Variants in RAPGEF2 observed in about 807,000 individuals in gnomAD.
RAPGEF2 encodes PDZ domain containing guanine nucleotide exchange factor (GEF) 1.
RAPGEF2 carries 54 observed loss-of-function variants against 186.7 expected under a neutral mutation model. The ratio of observed to expected loss-of-function variants is 0.29; its 90% CI spans 0.23 to 0.36. The LOEUF is 0.36. Ranked by LOEUF, RAPGEF2 falls within the 10% of genes least tolerant of loss-of-function variation. RAPGEF2 has a pLI of 1.00. For missense variants in RAPGEF2, 1,532 were observed against 2,045.0 expected (o/e 0.75, Z 4.84); for synonymous variants, 712 against 705.9 (o/e 1.01, Z -0.14).
chr4:159,237,629 G>GA (rs1298879896), intron 4 of RAPGEF2, among the ~76,000 whole-genome samples: 1 of 151,540 alleles, frequency 6.6e-6, no homozygotes, highest in Non-Finnish European at 1.5e-5. Context: ...AATTAACTTG[G>GA]AAAAAAATTG....
At chr4:159,170,528 T>G (rs1262257007) in intron 1 of RAPGEF2, among the ~76,000 whole-genome samples, 1 of 152,176 alleles carries the variant, frequency 6.6e-6, no homozygotes, top group East Asian at 1.9e-4. Flanking sequence ...AGATAATATA[T>G]GGAAGGATGT....
At chr4:159,214,362 A>T (rs1750810411) in intron 4 of RAPGEF2, among the ~76,000 whole-genome samples, 2 of 152,348 alleles carry the variant, frequency 1.3e-5, no homozygotes, top group East Asian at 3.9e-4. Context: ...TTTCAAAGGC[A>T]TCATTTGCAA....
chr4:159,274,481 A>G (rs751023821), intron 7 of RAPGEF2, among the ~76,000 whole-genome samples: 2 of 152,250 alleles, frequency 1.3e-5, no homozygotes, highest in East Asian at 1.9e-4. Context: ...CCATGTGAGC[A>G]TGTATAAAAA....
intron 4 of RAPGEF2, among the ~76,000 whole-genome samples, chr4:159,215,604 A>G (rs149095222): frequency 0.013 from 2,020 of 152,352 alleles, 47 homozygotes; most frequent in African/African-American, 0.046. Flanking sequence ...CAATTTTATC[A>G]TAGAAGTCTC....
At chr4:159,209,178 C>A (rs1750265218) in intron 3 of RAPGEF2, among the ~76,000 whole-genome samples, 1 of 124,352 alleles carries the variant, frequency 8.0e-6, no homozygotes. Flanking sequence ...AGGTGTGAGC[C>A]ACCATGCCCA....
At chr4:159,182,571 T>G (rs2111281879) in intron 1 of RAPGEF2, among the ~76,000 whole-genome samples, 1 of 152,156 alleles carries the variant, frequency 6.6e-6, no homozygotes, top group Middle Eastern at 3.4e-3. Context: ...AATTTTTGTA[T>G]TTTCAGCAGA....
intron 2 of RAPGEF2, among the ~76,000 whole-genome samples, chr4:159,188,663 CAAA>C (rs58081505): frequency 4.7e-5 from 4 of 84,852 alleles, no homozygotes; most frequent in Non-Finnish European, 4.6e-5. Flanking sequence ...GACTACATCT[CAAA>C]AAAAAAAAAA....
rs553160613 is a variant in RAPGEF2, at chr4:159,144,523, C to T, written c.69+40292C>T. 7.2e-4 allele frequency among the ~76,000 whole-genome samples: 110 copies of T among 152,294 alleles called. 2 individuals are homozygous for T. The highest frequency in any genetic ancestry group is 1.2e-3 in the Non-Finnish European group (84 of 68,022). ...TATGAGCTATGAAGCTATCCTTCAT[C>T]TGTTTCAGTTCTTTCAAATGGTCTC... On this transcript the variant is annotated intron_variant, in intron 1 of 29. Coordinates refer to ENST00000691494, the MANE Select transcript of RAPGEF2 (RefSeq NM_001394067.2).
intron 1 of RAPGEF2, among the ~76,000 whole-genome samples, chr4:159,104,547 A>AGAGAGAGG (rs1737640112): frequency 1.5e-5 from 2 of 132,132 alleles, no homozygotes; most frequent in African/African-American, 6.3e-5. Flanking sequence ...AGAGAGAGAG[A>AGAGAGAGG]GAGAGAGTGT....
At chr4:159,169,841 G>A (rs949227252) in intron 1 of RAPGEF2, among the ~76,000 whole-genome samples, 24 of 152,142 alleles carry the variant, frequency 1.6e-4, no homozygotes, top group Admixed American at 1.5e-3. Context: ...GGTTGATTCC[G>A]TATCTCAGCT....
At chr4:159,105,065 C>T (rs1737730327) in intron 1 of RAPGEF2, among the ~76,000 whole-genome samples, 1 of 152,168 alleles carries the variant, frequency 6.6e-6, no homozygotes, top group East Asian at 1.9e-4. Context: ...TCTTCTCTTA[C>T]TTATAGCGGC....
chr4:159,260,830 C>A lies in RAPGEF2; in HGVS notation c.543+17039C>A, dbSNP rs563039000. Among the ~76,000 whole-genome samples, 3 of 152,264 alleles carry A rather than the reference C, an allele frequency of 2.0e-5. No individual in the cohort carries two copies. The South Asian group carries it at 6.2e-4, about 32-fold the overall frequency. On this transcript the variant is annotated intron_variant, in intron 7 of 29. Transcript: ENST00000691494. Reference sequence around the variant, plus strand: ...ATGGCGCGATCTCGGCTCACCACAACCTCCGCCTCCCAGGTTCAAGTGATT... The same window carrying A: ...ATGGCGCGATCTCGGCTCACCACAAACTCCGCCTCCCAGGTTCAAGTGATT...
rs368053755 is a variant in RAPGEF2 at position 159,189,648 on chromosome 4, C to T, written c.140+2936C>T. Among the ~76,000 whole-genome samples the T allele has an allele frequency of 1.1e-4, 16 of 152,096 alleles. No individual in the cohort carries two copies. The East Asian group carries it at 1.2e-3, about 11-fold the overall frequency. On this transcript the variant is annotated intron_variant, in intron 2 of 29. Coordinates refer to ENST00000691494, the MANE Select transcript of RAPGEF2 (RefSeq NM_001394067.2). ...CGCCTTTAGATCTTTGAGTAGTAAC[C>T]GAATTATGGTTATTATTCTCATAGG...
chr4:159,154,010 G>A (rs1743842729), intron 1 of RAPGEF2, among the ~76,000 whole-genome samples: 1 of 152,178 alleles, frequency 6.6e-6, no homozygotes, highest in African/African-American at 2.4e-5. Flanking sequence ...GATAAACTGA[G>A]TGGTTAGATA....
intron 1 of RAPGEF2, among the ~76,000 whole-genome samples, chr4:159,112,410 G>A (rs541763853): frequency 2.0e-5 from 3 of 152,116 alleles, no homozygotes; most frequent in African/African-American, 7.2e-5. Context: ...AAGTAGTAAG[G>A]TTAGCCTTAG....
At chr4:159,199,562 C>A (rs1318712799) in intron 3 of RAPGEF2, among the ~76,000 whole-genome samples, 1 of 151,934 alleles carries the variant, frequency 6.6e-6, no homozygotes. Flanking sequence ...AATAAAATGG[C>A]TGGTTACACA....
intron 3 of RAPGEF2, among the ~76,000 whole-genome samples, chr4:159,206,379 A>T (rs192861683): frequency 2.0e-5 from 3 of 152,310 alleles, no homozygotes. Context: ...TTGTCAGACC[A>T]TTGGAAGTTG....
chr4:159,356,297 T>G, intron 29 of RAPGEF2, 139 bp downstream of exon 29: 1 of 933,156 alleles, frequency 1.1e-6, no homozygotes, highest in East Asian at 2.7e-5. Flanking sequence ...ACATTCAGAG[T>G]TCCAAATTTA....
At chr4:159,167,111 C>T (rs1233174682) in intron 1 of RAPGEF2, among the ~76,000 whole-genome samples, 1 of 151,886 alleles carries the variant, frequency 6.6e-6, no homozygotes, top group Non-Finnish European at 1.5e-5. Flanking sequence ...GGAGACTTTA[C>T]AGGATTAAAA....
Sources: gnomAD v4.1 joint callset for allele counts (sites outside exome capture counted in the v4.1 genomes callset) on GRCh38, gnomAD v4.1.1 for gene constraint, MANE v1.5 for transcripts, NCBI Gene and HGNC (gene_info 2026-07-23, HGNC 2026-07-21) for gene names.